The following L1TD1 variants were observed in gnomAD, a reference collection of about 807,000 sequenced individuals.
L1TD1 encodes LINE-1 type transposase domain-containing protein 1.
Under a neutral mutation model 25.7 loss-of-function variants are expected in L1TD1, and 26 were observed. The ratio of observed to expected loss-of-function variants is 1.01; its 90% confidence interval spans 0.74 to 1.40. L1TD1 has a LOEUF of 1.40. L1TD1 is among the 40% of genes most tolerant of loss of function. The pLI, the probability that L1TD1 is intolerant of heterozygous loss-of-function variation, is 0.00. For synonymous variants in L1TD1, 421 were observed against 335.6 expected, an observed-to-expected ratio of 1.25 and a Z score of -2.78; for missense variants, 1,130 against 975.0, an observed-to-expected ratio of 1.16 and a Z score of -2.12.
chr1:62,207,177 CAG>C lies in L1TD1; in HGVS notation c.553_554del (p.Asp185TrpfsTer15). ...MEETLCNIDD[R>X]DGNRNVHLEF... ...AAGAAACCTTATGCAATATAGATGA[CAG>C]AGATGGAAATCGCAATGTCCATTTA... is the stretch of plus-strand genomic sequence containing the variant. On this transcript the variant is annotated frameshift_variant, in exon 3 of 4. Transcript: ENST00000498273. LOFTEE classifies it high-confidence loss of function. The C allele has an allele frequency of 6.4e-7, 1 of 1,554,130 alleles. No homozygotes were observed. The highest frequency in any genetic ancestry group is 2.0e-5 in the Admixed American group (1 of 51,118).
chr1:62,197,447 A>T (rs112656447), intron 2 of L1TD1, among the ~76,000 whole-genome samples: 36 of 142,624 alleles, frequency 2.5e-4, no homozygotes, highest in African/African-American at 7.0e-4. Flanking sequence ...TAGTCCTGCT[A>T]CTCAATCTTG....
At chr1:62,199,317 G>A (rs1223725029) in intron 2 of L1TD1, among the ~76,000 whole-genome samples, 1 of 152,064 alleles carries the variant, frequency 6.6e-6, no homozygotes. Flanking sequence ...GGCCAACATG[G>A]TGAAACCCCG....
chr1:62,209,947 C>G lies in L1TD1; in HGVS notation c.1173C>G (p.Ala391=). ...AGCTAGAGGAGCTGGATGAAGAGGCCTCAGGGATGGAGGATGATGAAGATA... is the reference window on the plus strand; with the variant it reads ...AGCTAGAGGAGCTGGATGAAGAGGCGTCAGGGATGGAGGATGATGAAGATA... ...FSELEELDEE[A]SGMEDDEDTS... is the part of the protein sequence containing the mutation. The change falls in exon 4 of 4, where the codon GCC becomes GCG. Residue 391 remains alanine, a synonymous_variant. Coordinates refer to ENST00000498273, the MANE Select transcript of L1TD1 (RefSeq NM_019079.5). 3.7e-6 allele frequency: 6 copies of G among 1,613,212 alleles called. No homozygotes were observed. The highest frequency in any genetic ancestry group is 5.1e-6 in the Non-Finnish European group (6 of 1,179,726).
In L1TD1 at chr1:62,210,524, A is replaced by G. The variant is rs1460054255; in HGVS notation, c.1750A>G (p.Thr584Ala). ...AAATTTGAGTATTTCAACAGGAGTCACCAAACTTAAGAAAACAGAAGAAAA... is the reference window on the plus strand; with the variant it reads ...AAATTTGAGTATTTCAACAGGAGTCGCCAAACTTAAGAAAACAGAAGAAAA... ...HTNLSISTGVTKLKKTEEKKH... is the reference protein window; with the variant it reads ...HTNLSISTGVAKLKKTEEKKH... Residue 584 changes from threonine to alanine, a missense_variant, in exon 4 of 4, where the codon ACC becomes GCC. Thr to Ala is a moderately conservative substitution (Grantham distance 58). Coordinates refer to ENST00000498273, the MANE Select transcript of L1TD1 (RefSeq NM_019079.5). 6.2e-7 allele frequency: 1 copy of G among 1,613,104 alleles called. No homozygotes were observed. Among genetic ancestry groups the G allele is most frequent in the Non-Finnish European group, 8.5e-7 (1 of 1,179,856 alleles).
At chr1:62,197,416 T>TATATATATATATAA (rs1468120933) in intron 2 of L1TD1, among the ~76,000 whole-genome samples, 4 of 140,264 alleles carry the variant, frequency 2.9e-5, no homozygotes, top group Non-Finnish European at 4.6e-5. Flanking sequence ...TATATATATA[T>TATATATATATATAA]ATATATATAT....
Position 62,209,940 on chromosome 1 carries a change from A to T in L1TD1, c.1166A>T (p.Glu389Val). ...EEFSELEELD[E>V]EASGMEDDED... ...TTTTCCGAGCTAGAGGAGCTGGATG[A>T]AGAGGCCTCAGGGATGGAGGATGAT... is the stretch of plus-strand genomic sequence containing the variant. The change falls in exon 4 of 4, where the codon GAA (glutamate) becomes GTA (valine). Residue 389 changes from glutamate to valine, a missense_variant. Transcript: ENST00000498273. 1 of 1,612,898 alleles carries T rather than the reference A, an allele frequency of 6.2e-7. No homozygotes were observed. Among genetic ancestry groups the T allele is most frequent in the Non-Finnish European group, 8.5e-7 (1 of 1,179,030 alleles).
intron 2 of L1TD1, among the ~76,000 whole-genome samples, chr1:62,205,413 C>CTA (rs1670721431): frequency 6.6e-5 from 2 of 30,510 alleles, no homozygotes; most frequent in South Asian, 1.2e-3. Context: ...CTCTCTCTCT[C>CTA]TCTCTATATA....
At chr1:62,202,546 C>CTTTTT (rs546794105) in intron 2 of L1TD1, among the ~76,000 whole-genome samples, 1 of 92,000 alleles carries the variant, frequency 1.1e-5, no homozygotes, top group African/African-American at 5.0e-5. Flanking sequence ...TTTTTCTTTT[C>CTTTTT]TTTTTTTTTT....
rs78370441 is a variant in L1TD1 at position 62,198,921 on chromosome 1, T to C, written c.-111+2393T>C. Among the ~76,000 whole-genome samples the C allele has an allele frequency of 4.2e-3, 632 of 152,070 alleles. 5 individuals are homozygous for C. Among genetic ancestry groups the C allele is most frequent in the African/African-American group, 0.015 (602 of 41,482 alleles). On this transcript the variant is annotated intron_variant, in intron 2 of 3. Coordinates refer to ENST00000498273, the MANE Select transcript of L1TD1 (RefSeq NM_019079.5). ...GATGCAATCATAGCTTAGAGTAACC[T>C]TGAACTCCTGGGCTCAAATAATCTG...
At position 62,199,761 on chromosome 1, in the gene L1TD1, A is replaced by C. The variant is rs149534775; in HGVS notation, c.-111+3233A>C. On this transcript the variant is annotated intron_variant, in intron 2 of 3. Transcript: ENST00000498273. ...TGACTCTTGGAAAACACATTACCCAAAAAAGGTAGTGTTAGATAATAGGGC... is the reference window on the plus strand; with the variant it reads ...TGACTCTTGGAAAACACATTACCCACAAAAGGTAGTGTTAGATAATAGGGC... Among the ~76,000 whole-genome samples the C allele has an allele frequency of 3.3e-3, 504 of 152,216 alleles. 5 individuals carry two copies. The highest frequency in any genetic ancestry group is 0.012 in the African/African-American group (490 of 41,528).
rs762520115 is a variant in L1TD1, at chr1:62,210,745, C to T, written c.1971C>T (p.Asp657=). Residue 657 remains aspartate, a synonymous_variant, in exon 4 of 4, where the codon GAC becomes GAT. Transcript: ENST00000498273. ...TAGATGATCTGAGTAGCAGAATGGA[C>T]ATACTTGAAGAAAGAATAGACAGTC... The part of the protein sequence containing the change: ...NSVDDLSSRM[D]ILEERIDSLE... 1.9e-6 allele frequency: 3 copies of T among 1,551,502 alleles called. No homozygotes were observed. Among genetic ancestry groups the T allele is most frequent in the Non-Finnish European group, 2.6e-6 (3 of 1,146,954 alleles).
Position 62,207,087 on chromosome 1 carries a change from T to C in L1TD1, c.459T>C (p.Asn153=). The change falls in exon 3 of 4, where the codon AAT becomes AAC. Residue 153 remains asparagine (N), a synonymous_variant. Transcript: ENST00000498273. ...AATTAGACAACACTAACGAATACAA[T>C]AGTAATGATGGTAAGAAATTACCCC... ...SGKLDNTNEY[N]SNDGKKLPQG... is the part of the protein sequence containing the mutation. 1.2e-6 allele frequency: 2 copies of C among 1,612,750 alleles called. No homozygotes were observed. Among genetic ancestry groups the C allele is most frequent in the Non-Finnish European group, 8.5e-7 (1 of 1,179,290 alleles).
In L1TD1 at chr1:62,207,224, G is replaced by A. The variant is rs1333916613; in HGVS notation, c.596G>A (p.Ser199Asn). ...NVHLEFTERE[S>N]RKDGEDEFVK... ...CATTTAGAATTTACAGAAAGAGAGA[G>A]TAGGAAGGATGGAGAGGATGAATTT... Residue 199 changes from serine to asparagine, a missense_variant, in exon 3 of 4, where the codon AGT (serine) becomes AAT (asparagine). Transcript: ENST00000498273. The A allele has an allele frequency of 6.4e-7, 1 of 1,551,674 alleles. No homozygotes were observed.
In L1TD1 at chr1:62,210,802, T is replaced by C. The variant is rs1670852442; in HGVS notation, c.2028T>C (p.Asp676=). The C allele has an allele frequency of 6.5e-7, 1 of 1,550,058 alleles. No homozygotes were observed. The highest frequency in any genetic ancestry group is 2.0e-5 in the Admixed American group (1 of 50,638). The change falls in exon 4 of 4, where the codon GAT becomes GAC. Residue 676 remains aspartate (D), a synonymous_variant. Coordinates refer to ENST00000498273, the MANE Select transcript of L1TD1 (RefSeq NM_019079.5). ...LEDQIEEFSK[D]TMQMTKQIIS... is the part of the protein sequence containing the mutation. ...ATCAAATTGAAGAATTCTCTAAGGA[T>C]ACAATGCAAATGACCAAACAGATAA...
chr1:62,211,577 GTTAT>G lies in L1TD1; in HGVS notation c.*208_*211del. The G allele has an allele frequency of 1.4e-6, 1 of 707,566 alleles. No homozygotes were observed. The highest frequency in any genetic ancestry group is 2.1e-6 in the Non-Finnish European group (1 of 486,710). The allele number at this position is 707,566 out of a possible 1,614,324, so 43.8% of individuals were successfully genotyped here. A position where few individuals can be genotyped will look rare whatever the true frequency, so the allele number is the denominator to read the frequency against. The stretch of plus-strand genomic sequence containing the variant: ...AAATAGGCTGGTCTCAATGTAGTGA[GTTAT>G]TTCAGTTGATCACAGTCAGTTACAG... On this transcript the variant is annotated 3_prime_UTR_variant, in exon 4 of 4. Coordinates refer to ENST00000498273, the MANE Select transcript of L1TD1 (RefSeq NM_019079.5).
Position 62,211,099 on chromosome 1 carries a change from G to A in L1TD1, c.2325G>A (p.Arg775=), listed in dbSNP as rs1458817425. ...WNSSDKEKII[R]ASRERREITY... is the part of the protein sequence containing the mutation. The stretch of plus-strand genomic sequence containing the variant: ...CTAGTGATAAAGAGAAAATAATAAG[G>A]GCTTCTAGAGAGAGAAGAGAAATTA... The change falls in exon 4 of 4, where the codon AGG becomes AGA. Residue 775 remains arginine, a synonymous_variant. Transcript: ENST00000498273. The A allele has an allele frequency of 3.9e-6, 6 of 1,550,042 alleles. No individual in the cohort carries two copies. In the African/African-American group the frequency reaches 4.1e-5, roughly 11 times the overall value.
At chr1:62,203,500 C>T in intron 2 of L1TD1, among the ~76,000 whole-genome samples, 2 of 152,240 alleles carry the variant, frequency 1.3e-5, no homozygotes, top group South Asian at 4.2e-4. Context: ...CTGCAACCTC[C>T]ACCTCCCAGG....
chr1:62,205,417 C>A (rs865777032), intron 2 of L1TD1, among the ~76,000 whole-genome samples: 1,436 of 21,614 alleles, frequency 0.066, 65 homozygotes, highest in Non-Finnish European at 0.084. Context: ...CTCTCTCTCT[C>A]TATATATATA....
Position 62,206,552 on chromosome 1 carries a change from AG to A in L1TD1, c.-76del. ...ATTTTAAGATTTTTTTAACTTCTGA[AG>A]TCTAGCAGGCCTGTAAGAACAAAAA... On this transcript the variant is annotated 5_prime_UTR_variant, in exon 3 of 4. Transcript: ENST00000498273. 7.6e-7 allele frequency: 1 copy of A among 1,309,936 alleles called. No homozygotes were observed. Among genetic ancestry groups the A allele is most frequent in the Admixed American group, 3.4e-5 (1 of 29,380 alleles). The allele number at this position is 1,309,936 out of a possible 1,614,324, so 81.1% of individuals were successfully genotyped here. A position where few individuals can be genotyped will look rare whatever the true frequency, so the allele number is the denominator to read the frequency against.
Sources: allele counts gnomAD v4.1 joint callset (sites outside exome capture counted in the v4.1 genomes callset), GRCh38; gene constraint gnomAD v4.1.1; transcripts MANE v1.5; gene names NCBI Gene and HGNC (gene_info 2026-07-23, HGNC 2026-07-21).